The following COL9A1 variants were observed in gnomAD, a reference collection of about 807,000 sequenced individuals.
The protein encoded by COL9A1 is collagen alpha-1(IX) chain.
A neutral mutation model predicts 142.6 loss-of-function variants in COL9A1; 104 were observed. That is an observed-to-expected ratio of 0.73 (90% CI 0.62 to 0.86). The LOEUF is 0.86. Among genes scored for constraint, COL9A1 ranks in the 40% least tolerant of loss-of-function variants. The pLI, the probability that COL9A1 is intolerant of heterozygous loss-of-function variation, is 0.00. For synonymous variants in COL9A1, 466 were observed against 396.0 expected, an observed-to-expected ratio of 1.18 and a Z score of -2.10; for missense variants, 1,210 against 1,176.6, an observed-to-expected ratio of 1.03 and a Z score of -0.42.
chr6:70,241,312 T>C, intron 31 of COL9A1, 107 bp downstream of exon 31: 1 of 918,226 alleles, frequency 1.1e-6, no homozygotes, highest in South Asian at 1.3e-5. Flanking sequence ...GAAAAACTGT[T>C]AGCCTTCATG....
intron 28 of COL9A1, among the ~76,000 whole-genome samples, chr6:70,243,667 A>G (rs2127567624): frequency 6.6e-6 from 1 of 152,248 alleles, no homozygotes; most frequent in East Asian, 1.9e-4. Context: ...AGCTGGGAGT[A>G]CAGGTGCATG....
chr6:70,278,068 C>G (rs1772885049), intron 10 of COL9A1, among the ~76,000 whole-genome samples: 5 of 152,122 alleles, frequency 3.3e-5, no homozygotes. Context: ...AATAAGAAAA[C>G]TTTACAGTTC....
intron 4 of COL9A1, among the ~76,000 whole-genome samples, chr6:70,298,148 A>G (rs1773913156): frequency 6.6e-6 from 1 of 152,182 alleles, no homozygotes; most frequent in Admixed American, 6.5e-5. Flanking sequence ...TAAAGAAAGG[A>G]TCCTCTAAGG....
chr6:70,259,372 G>C (rs1771527393), intron 20 of COL9A1, among the ~76,000 whole-genome samples: 1 of 152,194 alleles, frequency 6.6e-6, no homozygotes, highest in South Asian at 2.1e-4. Flanking sequence ...AGTGGGCAAA[G>C]ATGCCTTTTG....
chr6:70,279,995 A>T (rs1351338805), intron 10 of COL9A1: 1 of 697,900 alleles, frequency 1.4e-6, no homozygotes, highest in Admixed American at 2.0e-5. Context: ...TATTCCAGGG[A>T]CAAAATCAAG....
chr6:70,242,721 A>C lies in COL9A1; in HGVS notation c.1873-6T>G, dbSNP rs766085405. On this transcript the variant is annotated splice_polypyrimidine_tract_variant and splice_region_variant and intron_variant, in intron 28 of 37. Transcript: ENST00000357250. ...CCTAATTCTCCTCTACTGCCCTGTA[A>C]AAACACAAACATTGTCAATTGGATA... 63 of 1,613,872 alleles carry C rather than the reference A, an allele frequency of 3.9e-5. No homozygotes were observed. The highest frequency in any genetic ancestry group is 5.3e-5 in the Non-Finnish European group (63 of 1,179,730).
intron 22 of COL9A1, 66 bp downstream of exon 22, chr6:70,255,271 A>C: frequency 6.2e-7 from 1 of 1,608,344 alleles, no homozygotes; most frequent in Non-Finnish European, 8.5e-7. Flanking sequence ...CTTGTCAAAG[A>C]GATCAGCATA....
At chr6:70,266,928 C>T (rs534013925) in intron 17 of COL9A1, among the ~76,000 whole-genome samples, 158 bp from the exon 18 acceptor site, 19 of 152,306 alleles carry the variant, frequency 1.2e-4, no homozygotes, top group Non-Finnish European at 2.4e-4. Context: ...CTTAACAGCA[C>T]CATGACTGCC....
intron 33 of COL9A1, among the ~76,000 whole-genome samples, chr6:70,235,552 A>G (rs1383633898): frequency 6.6e-6 from 1 of 152,130 alleles, no homozygotes; most frequent in Non-Finnish European, 1.5e-5. Context: ...TACATTCTTC[A>G]TACTTTAAGC....
At chr6:70,233,245 C>T (rs753620367) in intron 35 of COL9A1, among the ~76,000 whole-genome samples, 6 of 152,176 alleles carry the variant, frequency 3.9e-5, no homozygotes, top group Non-Finnish European at 7.4e-5. Flanking sequence ...TGAGACCTCG[C>T]CTCACATTCT....
At chr6:70,255,537 C>G (rs1771227138) in intron 21 of COL9A1, 147 bp from the exon 22 acceptor site, 1 of 716,792 alleles carries the variant, frequency 1.4e-6, no homozygotes, top group Admixed American at 2.3e-5. Flanking sequence ...ATGAAGAAGT[C>G]TTTTTATAAA....
At position 70,239,284 on chromosome 6, in the gene COL9A1, T is replaced by G. The variant is rs767433607; in HGVS notation, c.2082A>C (p.Gly694=). The G allele has an allele frequency of 6.4e-7, 1 of 1,554,136 alleles. No homozygotes were observed. The highest frequency in any genetic ancestry group is 1.7e-5 in the Admixed American group (1 of 59,922). The stretch of plus-strand genomic sequence containing the variant: ...CCTTTGGGCCAGGTAATCCTATATC[T>G]CCCTAAATCAATAAAAGAAATTTAT... ...EGEAGERGEL[G]DIGLPGPKGS... The change falls in exon 33 of 38, where the codon GGA becomes GGC. Residue 694 remains glycine, a splice_region_variant and synonymous_variant. Transcript: ENST00000357250.
Position 70,227,424 on chromosome 6 carries a change from T to TAAAAAAA in COL9A1, c.2504-1422_2504-1416dup, listed in dbSNP as rs11407353. On this transcript the variant is annotated intron_variant, in intron 36 of 37. Transcript: ENST00000357250. ...CTCATAACAAAATAAATGCAAATTG[T>TAAAAAAA]AAAAAAAAAAAAAAAAAAAAAAAAG... Among the ~76,000 whole-genome samples the TAAAAAAA allele has an allele frequency of 3.2e-4, 16 of 50,026 alleles. 2 individuals carry two copies. Among genetic ancestry groups the TAAAAAAA allele is most frequent in the Middle Eastern group, 0.014 (1 of 72 alleles). The allele number at this position is 50,026 out of a possible 152,430, so 32.8% of individuals were successfully genotyped here.
At chr6:70,275,050 T>C in intron 10 of COL9A1, 1 of 444,684 alleles carries the variant, frequency 2.2e-6, no homozygotes, top group East Asian at 4.3e-5. Flanking sequence ...CAGTGTTTTT[T>C]GTCTCTGCTT....
At chr6:70,249,427 A>T (rs1364643502) in intron 28 of COL9A1, among the ~76,000 whole-genome samples, 1 of 152,148 alleles carries the variant, frequency 6.6e-6, no homozygotes, top group East Asian at 1.9e-4. Context: ...AGTTGCAGCA[A>T]TATCCTTTTG....
downstream of COL9A1, chr6:70,215,912 A>AACACACACGCACAC (rs1554230662): frequency 6.7e-6 from 1 of 149,196 alleles, no homozygotes; most frequent in East Asian, 2.0e-4. Context: ...TACACACTAA[A>AACACACACGCACAC]ACACACACAC....
intron 33 of COL9A1, 151 bp downstream of exon 33, chr6:70,239,103 C>A: frequency 1.7e-6 from 1 of 572,938 alleles, no homozygotes; most frequent in Non-Finnish European, 3.1e-6. Flanking sequence ...TGCACCACTG[C>A]ATTCACGCCT....
chr6:70,302,600 G>A (rs990369622), intron 1 of COL9A1, among the ~76,000 whole-genome samples: 11 of 151,798 alleles, frequency 7.2e-5, no homozygotes, highest in South Asian at 2.1e-4. Context: ...TCACCTTCTC[G>A]GTATCTACCT....
At chr6:70,255,101 G>T (rs1167860106) in intron 23 of COL9A1, 49 bp downstream of exon 23, 2 of 1,609,694 alleles carry the variant, frequency 1.2e-6, no homozygotes, top group South Asian at 1.1e-5. Context: ...TTCATTGCAA[G>T]TCAATGATCA....
Sources: allele counts gnomAD v4.1 joint callset (sites outside exome capture counted in the v4.1 genomes callset), GRCh38; gene constraint gnomAD v4.1.1; transcripts MANE v1.5; gene names NCBI Gene and HGNC (gene_info 2026-07-23, HGNC 2026-07-21).